Variants in NFRKB observed in about 807,000 individuals in gnomAD.
NFRKB encodes nuclear factor related to kappa-B-binding protein.
A neutral mutation model predicts 135.7 loss-of-function variants in NFRKB; 62 were observed. The ratio of observed to expected loss-of-function variants is 0.46; its 90% CI spans 0.37 to 0.56. The LOEUF (loss-of-function observed/expected upper bound fraction) is 0.56, where lower values mean the gene tolerates loss of function less well. NFRKB is among the 20% of genes least tolerant of loss of function. NFRKB has a pLI of 0.00. For missense variants in NFRKB, 1,545 were observed against 1,662.0 expected, an observed-to-expected ratio of 0.93 and a Z score of 1.22; for synonymous variants, 678 against 635.6, an observed-to-expected ratio of 1.07 and a Z score of -1.00.
At chr11:129,884,579 A>G (rs1565416671) in intron 7 of NFRKB, among the ~76,000 whole-genome samples, 166 bp downstream of exon 7, 1 of 152,256 alleles carries the variant, frequency 6.6e-6, no homozygotes, top group Non-Finnish European at 1.5e-5. Context: ...CCAGATGTAA[A>G]AAAAAGTAAA....
At chr11:129,868,896 T>C (rs138359306) in intron 24 of NFRKB, among the ~76,000 whole-genome samples, 4,321 of 152,206 alleles carry the variant, frequency 0.028, 193 homozygotes, top group African/African-American at 0.1. Flanking sequence ...GACACATGCC[T>C]GTAGTCCTAG....
chr11:129,875,813 T>C (rs1948741497), intron 17 of NFRKB, among the ~76,000 whole-genome samples: 2 of 151,992 alleles, frequency 1.3e-5, no homozygotes, highest in Non-Finnish European at 2.9e-5. Context: ...TGCACCACCA[T>C]GTCCAGCTGA....
At chr11:129,870,726 G>A (rs1056808695) in intron 23 of NFRKB, among the ~76,000 whole-genome samples, 5 of 152,044 alleles carry the variant, frequency 3.3e-5, no homozygotes, top group Admixed American at 6.5e-5. Context: ...AACTGAGCCC[G>A]GCTTCCCACC....
rs1351523293 is a variant in NFRKB, at chr11:129,864,657, C to T, written c.*68G>A. On this transcript the variant is annotated 3_prime_UTR_variant, in exon 27 of 27. Transcript: ENST00000682444. ...GGCAAGCTTAAAACAATGATGCAACCTCCCTGGTCCCTTCTCAGCCAGGAC... is the reference window on the plus strand; with the variant it reads ...GGCAAGCTTAAAACAATGATGCAACTTCCCTGGTCCCTTCTCAGCCAGGAC... 1.2e-6 allele frequency: 2 copies of T among 1,601,060 alleles called. No homozygotes were observed. Among genetic ancestry groups the T allele is most frequent in the African/African-American group, 1.3e-5 (1 of 74,652 alleles).
At position 129,874,534 on chromosome 11, in the gene NFRKB, A is replaced by T; in HGVS notation, c.2025T>A (p.Ala675=). The part of the protein sequence containing the change: ...AQAAAAKARK[A]LQQKPKPPSK... ...ATGGGGGCTTGGGTTTTTGCTGAAGAGCTTTTCTGGCTTTAGCTGCAGCTG... is the reference window on the plus strand; with the variant it reads ...ATGGGGGCTTGGGTTTTTGCTGAAGTGCTTTTCTGGCTTTAGCTGCAGCTG... Residue 675 remains alanine, a synonymous_variant, in exon 20 of 27, where the codon GCT becomes GCA. Coordinates refer to ENST00000682444, the MANE Select transcript of NFRKB (RefSeq NM_001143835.2). This position sits in a 1 kb window ranked among gnomAD's most constrained non-coding sequence, Gnocchi z 4.5. The T allele has an allele frequency of 6.2e-7, 1 of 1,614,062 alleles. No individual in the cohort carries two copies. The highest frequency in any genetic ancestry group is 8.5e-7 in the Non-Finnish European group (1 of 1,180,016).
intron 3 of NFRKB, among the ~76,000 whole-genome samples, chr11:129,891,991 A>G (rs1949577880): frequency 6.6e-6 from 1 of 152,230 alleles, no homozygotes; most frequent in Non-Finnish European, 1.5e-5. Context: ...GTTTTAGTAG[A>G]AAAGATACCC....
chr11:129,890,620 T>G (rs1021789149), intron 3 of NFRKB, among the ~76,000 whole-genome samples: 5 of 152,220 alleles, frequency 3.3e-5, no homozygotes, highest in Non-Finnish European at 7.3e-5. Flanking sequence ...TATACCATGC[T>G]CCACACCTGT....
intron 15 of NFRKB, 87 bp from the exon 16 acceptor site, chr11:129,877,472 G>C: frequency 8.3e-7 from 1 of 1,205,570 alleles, no homozygotes; most frequent in Non-Finnish European, 1.2e-6. Context: ...TTCCCACTGT[G>C]ACATGGAAAG....
At chr11:129,891,871 A>G (rs974158889) in intron 3 of NFRKB, among the ~76,000 whole-genome samples, 2 of 152,258 alleles carry the variant, frequency 1.3e-5, no homozygotes, top group Admixed American at 6.5e-5. Context: ...TAAAAGAAAT[A>G]CTGCAACTAT....
chr11:129,878,157 G>A (rs759584771), intron 15 of NFRKB, 152 bp downstream of exon 15: 36 of 737,560 alleles, frequency 4.9e-5, no homozygotes, highest in Middle Eastern at 5.0e-4. Flanking sequence ...GTTCACTCAG[G>A]GGGTGCGGCC....
At chr11:129,875,636 A>C (rs1316217664) in intron 17 of NFRKB, among the ~76,000 whole-genome samples, 173 bp from the exon 18 acceptor site, 2 of 141,616 alleles carry the variant, frequency 1.4e-5, no homozygotes, top group Non-Finnish European at 3.1e-5. Flanking sequence ...CAGCCACTGG[A>C]GTTCCCTATA....
chr11:129,873,436 CAGCAGAAGGAGCCTGAGAGGCAG>C (rs1304624601), intron 22 of NFRKB, among the ~76,000 whole-genome samples: 1 of 152,186 alleles, frequency 6.6e-6, no homozygotes, highest in Non-Finnish European at 1.5e-5. Flanking sequence ...ACTAGAGGCA[CAGCAGAAGGAGCCTGAGAGGCAG>C]ACTCACAAGG....
intron 13 of NFRKB, among the ~76,000 whole-genome samples, chr11:129,880,274 T>C (rs891809567): frequency 2.0e-5 from 3 of 152,164 alleles, no homozygotes; most frequent in Non-Finnish European, 4.4e-5. Context: ...AGCTGCTACC[T>C]GCACAAACAA....
intron 23 of NFRKB, 37 bp downstream of exon 23, chr11:129,872,847 G>A: frequency 6.5e-7 from 1 of 1,550,360 alleles, no homozygotes; most frequent in East Asian, 2.3e-5. Flanking sequence ...GCTCCAGGAT[G>A]AAGGATTGAG....
At chr11:129,868,011 T>A (rs1948290688) in intron 24 of NFRKB, among the ~76,000 whole-genome samples, 1 of 144,780 alleles carries the variant, frequency 6.9e-6, no homozygotes. Context: ...ACAATTATAC[T>A]TTTTTTTTTT....
intron 25 of NFRKB, among the ~76,000 whole-genome samples, 153 bp from the exon 26 acceptor site, chr11:129,865,254 T>G (rs1337030907): frequency 6.6e-6 from 1 of 152,202 alleles, no homozygotes; most frequent in East Asian, 1.9e-4. Context: ...TGAGACCACC[T>G]TTCTTCCAGC....
chr11:129,886,720 T>C (rs1013906895), intron 4 of NFRKB, among the ~76,000 whole-genome samples: 27 of 152,210 alleles, frequency 1.8e-4, no homozygotes, highest in African/African-American at 6.3e-4. Flanking sequence ...GAGTGGAATA[T>C]GCAGGAAGTC....
intron 4 of NFRKB, among the ~76,000 whole-genome samples, chr11:129,887,794 T>C (rs1591529016): frequency 6.6e-6 from 1 of 152,290 alleles, no homozygotes. Context: ...TCCCAGCACT[T>C]TGGGAGGCCG....
chr11:129,867,782 A>G (rs537100992), intron 24 of NFRKB, among the ~76,000 whole-genome samples: 2 of 152,316 alleles, frequency 1.3e-5, no homozygotes, highest in South Asian at 2.1e-4. Context: ...CTGTCCATAC[A>G]CACCCCTCTT....
Sources: gnomAD v4.1 joint callset for allele counts (sites outside exome capture counted in the v4.1 genomes callset) on GRCh38, gnomAD v4.1.1 for gene constraint, Gnocchi (gnomAD v3.1) non-coding constraint, MANE v1.5 for transcripts, NCBI Gene and HGNC (gene_info 2026-07-23, HGNC 2026-07-21) for gene names.